The following KCNK2 variants were observed in gnomAD, a reference collection of about 807,000 sequenced individuals.
The protein encoded by KCNK2 is potassium two pore domain channel subfamily K member 2.
In KCNK2, 21 loss-of-function variants were observed where a neutral mutation model predicts 40.5. The ratio of observed to expected loss-of-function variants is 0.52; its 90% CI spans 0.37 to 0.75. KCNK2 has a LOEUF of 0.75. KCNK2 is among the 30% of genes least tolerant of loss of function. The pLI is 0.00. For synonymous variants in KCNK2, 191 were observed against 202.2 expected (o/e 0.94, Z 0.47); for missense variants, 399 against 531.6 (o/e 0.75, Z 2.45).
upstream of KCNK2, among the ~76,000 whole-genome samples, chr1:215,078,213 G>T (rs1388376734): frequency 2.0e-5 from 3 of 152,230 alleles, no homozygotes; most frequent in African/African-American, 4.8e-5. Context: ...CATGTAGCCT[G>T]CAGGCCGCAG....
intron 1 of KCNK2, among the ~76,000 whole-genome samples, chr1:215,050,816 A>T (rs1214669033): frequency 6.6e-6 from 1 of 152,172 alleles, no homozygotes; most frequent in Non-Finnish European, 1.5e-5. Context: ...GCTACTGCCG[A>T]TGTCCTCCAA....
At chr1:215,016,632 A>G (rs1025281557) in intron 1 of KCNK2, among the ~76,000 whole-genome samples, 3 of 152,142 alleles carry the variant, frequency 2.0e-5, no homozygotes, top group African/African-American at 4.8e-5. Context: ...TAAACATAAG[A>G]TCTGAAGTTG....
chr1:215,184,134 G>A (rs1664335156), intron 5 of KCNK2, among the ~76,000 whole-genome samples: 1 of 152,104 alleles, frequency 6.6e-6, no homozygotes, highest in Non-Finnish European at 1.5e-5. Flanking sequence ...AGATCTTTTA[G>A]TTTCATAATT....
chr1:215,144,891 A>G (rs1039150932), intron 3 of KCNK2, among the ~76,000 whole-genome samples: 1 of 152,216 alleles, frequency 6.6e-6, no homozygotes, highest in Admixed American at 6.5e-5. Context: ...GAAGGATTAA[A>G]TATTCTCACA....
intron 2 of KCNK2, among the ~76,000 whole-genome samples, chr1:215,113,994 A>G (rs1053824311): frequency 6.6e-6 from 1 of 152,102 alleles, no homozygotes; most frequent in Non-Finnish European, 1.5e-5. Context: ...TTTCCCCTTC[A>G]TGCCTCTTCT....
Position 215,124,674 on chromosome 1 carries a change from A to G in KCNK2, c.399A>G (p.Gly133=). The G allele has an allele frequency of 6.2e-7, 1 of 1,613,100 alleles. No individual in the cohort carries two copies. Among genetic ancestry groups the G allele is most frequent in the South Asian group, 1.1e-5 (1 of 91,066 alleles). Residue 133 remains glycine, a synonymous_variant, in exon 3 of 7, where the codon GGA becomes GGG. Coordinates refer to ENST00000444842, the MANE Select transcript of KCNK2 (RefSeq NM_001017425.3). ...TAAATGCAGGGATTATACCGTTAGG[A>G]AACACCTCCAATCAAATCAGTCACT... ...AAINAGIIPL[G]NTSNQISHWD...
At chr1:215,101,870 C>A (rs1660235964) in intron 2 of KCNK2, among the ~76,000 whole-genome samples, 1 of 151,934 alleles carries the variant, frequency 6.6e-6, no homozygotes, top group African/African-American at 2.4e-5. Context: ...ATTGCACATA[C>A]AATTATGTAC....
chr1:215,065,223 C>G (rs1438370538), intron 1 of KCNK2, among the ~76,000 whole-genome samples: 1 of 152,074 alleles, frequency 6.6e-6, no homozygotes, highest in Non-Finnish European at 1.5e-5. Flanking sequence ...TGTAGAAGCC[C>G]TGAGATAAAT....
chr1:215,173,553 C>G (rs887311426), intron 5 of KCNK2, among the ~76,000 whole-genome samples: 1 of 152,180 alleles, frequency 6.6e-6, no homozygotes, highest in African/African-American at 2.4e-5. Context: ...ACACTGACTT[C>G]CACAATGGTT....
At position 215,115,701 on chromosome 1, in the gene KCNK2, C is replaced by T. The variant is rs1409749064; in HGVS notation, c.358-8932C>T. Among the ~76,000 whole-genome samples the T allele has an allele frequency of 1.9e-4, 29 of 149,356 alleles. 1 individual carries two copies. The highest frequency in any genetic ancestry group is 3.0e-5 in the Non-Finnish European group (2 of 67,472). ...TTTGGTTTCTTTCTGACTTCTTCTTCTACCTCCTTCTCTTTCATGCTTTCC... is the reference window on the plus strand; with the variant it reads ...TTTGGTTTCTTTCTGACTTCTTCTTTTACCTCCTTCTCTTTCATGCTTTCC... On this transcript the variant is annotated intron_variant, in intron 2 of 6. Coordinates refer to ENST00000444842, the MANE Select transcript of KCNK2 (RefSeq NM_001017425.3).
intron 6 of KCNK2, among the ~76,000 whole-genome samples, chr1:215,216,791 A>G (rs1010404273): frequency 6.6e-6 from 1 of 152,188 alleles, no homozygotes; most frequent in Non-Finnish European, 1.5e-5. Flanking sequence ...ATCGGTGTGT[A>G]TGTTACACTT....
At chr1:215,077,555 T>C (rs1022221483) in intron 1 of KCNK2, among the ~76,000 whole-genome samples, 2 of 152,172 alleles carry the variant, frequency 1.3e-5, no homozygotes, top group African/African-American at 4.8e-5. Flanking sequence ...TTTTTTAAAA[T>C]GCACTTGATG....
At chr1:215,210,121 A>G (rs1233267147) in intron 6 of KCNK2, among the ~76,000 whole-genome samples, 1 of 79,292 alleles carries the variant, frequency 1.3e-5, no homozygotes, top group Non-Finnish European at 2.4e-5. Flanking sequence ...CATACTATAT[A>G]TAAATATACA....
chr1:215,120,796 A>G (rs889660981), intron 2 of KCNK2, among the ~76,000 whole-genome samples: 1 of 152,226 alleles, frequency 6.6e-6, no homozygotes, highest in Non-Finnish European at 1.5e-5. Flanking sequence ...GATTTATGCT[A>G]AAATCGAACC....
chr1:215,059,057 GTA>G (rs368450662), intron 1 of KCNK2, among the ~76,000 whole-genome samples: 94 of 147,290 alleles, frequency 6.4e-4, no homozygotes, highest in Admixed American at 3.4e-3. Flanking sequence ...ATATACATGT[GTA>G]TATATATATA....
At chr1:215,049,578 G>A (rs1657911166) in intron 1 of KCNK2, among the ~76,000 whole-genome samples, 1 of 152,050 alleles carries the variant, frequency 6.6e-6, no homozygotes, top group Non-Finnish European at 1.5e-5. Flanking sequence ...ATGGCTCTAG[G>A]TCTTAGAGCT....
chr1:215,208,710 G>T (rs929755561), intron 6 of KCNK2, among the ~76,000 whole-genome samples: 5 of 151,992 alleles, frequency 3.3e-5, no homozygotes, highest in African/African-American at 1.2e-4. Flanking sequence ...ACTATATAAA[G>T]AAATCCATTT....
chr1:215,179,238 C>T (rs1422385863), intron 5 of KCNK2, among the ~76,000 whole-genome samples: 1 of 151,848 alleles, frequency 6.6e-6, no homozygotes, highest in East Asian at 1.9e-4. Flanking sequence ...TTTGGATCTT[C>T]TCTCATTTTT....
intron 5 of KCNK2, among the ~76,000 whole-genome samples, chr1:215,191,515 G>C (rs1208915986): frequency 1.3e-5 from 2 of 152,036 alleles, no homozygotes; most frequent in East Asian, 3.9e-4. Context: ...TAATCTACTA[G>C]ATTGGATTAG....
Sources: allele counts gnomAD v4.1 joint callset (sites outside exome capture counted in the v4.1 genomes callset), GRCh38; gene constraint gnomAD v4.1.1; transcripts MANE v1.5; gene names NCBI Gene and HGNC (gene_info 2026-07-23, HGNC 2026-07-21).